TRIP13: variants seen among roughly 807,000 people sequenced by gnomAD.
TRIP13 encodes pachytene checkpoint protein 2 homolog.
In TRIP13, 25 loss-of-function variants were observed where a neutral mutation model predicts 54.4. The observed-to-expected ratio is 0.46, with a 90% CI of 0.33 to 0.64. The LOEUF (loss-of-function observed/expected upper bound fraction) is 0.64, where lower values mean the gene tolerates loss of function less well. TRIP13 is among the 30% of genes least tolerant of loss of function. TRIP13 has a pLI of 0.02. For missense variants in TRIP13, 373 were observed against 534.2 expected (o/e 0.70, Z 2.97); for synonymous variants, 207 against 207.8 (o/e 1.00, Z 0.03).
In TRIP13 at chr5:915,622, G is replaced by A. The variant is rs1754326539; in HGVS notation, c.1134-282G>A. Among the ~76,000 whole-genome samples, 1 of 152,228 alleles carries A rather than the reference G, an allele frequency of 6.6e-6. No homozygotes were observed. Among genetic ancestry groups the A allele is most frequent in the Admixed American group, 6.5e-5 (1 of 15,294 alleles). ...GCTGGCCCTGGGGCAGAGCACACAG[G>A]TGTGCCTTGGGTGTGCTTCAGAGCC... On this transcript the variant is annotated intron_variant, in intron 11 of 12. Transcript: ENST00000166345. The surrounding 1 kb of genome is among the most constrained non-coding windows in gnomAD (Gnocchi z 4.2).
At position 911,735 on chromosome 5, in the gene TRIP13, G is replaced by A. The variant is rs1462100365; in HGVS notation, c.867-108G>A. 7 of 1,408,598 alleles carry A rather than the reference G, an allele frequency of 5.0e-6. No homozygotes were observed. In the Admixed American group the frequency reaches 1.8e-4, roughly 37 times the overall value. The allele number at this position is 1,408,598 out of a possible 1,614,324, so 87.3% of individuals were successfully genotyped here. ...CACAAGGCCACTTTCCTTCCTGTTG[G>A]CAGCCTGCTGGCCATCGTCCTGCCA... On this transcript the variant is annotated intron_variant, in intron 9 of 12. Transcript: ENST00000166345. The surrounding 1 kb of genome is among the most constrained non-coding windows in gnomAD (Gnocchi z 4.7).
chr5:902,401 C>G (rs1754012103), intron 5 of TRIP13, among the ~76,000 whole-genome samples: 1 of 152,230 alleles, frequency 6.6e-6, no homozygotes, highest in African/African-American at 2.4e-5. Flanking sequence ...CCTCATAGCA[C>G]AGTCAGAGTA....
chr5:902,968 C>G lies in TRIP13; in HGVS notation c.536-1180C>G, dbSNP rs139756536. Among the ~76,000 whole-genome samples the G allele has an allele frequency of 7.1e-3, 1,081 of 152,274 alleles. 5 individuals carry two copies. The highest frequency in any genetic ancestry group is 0.013 in the Admixed American group (201 of 15,300). On this transcript the variant is annotated intron_variant, in intron 5 of 12. Transcript: ENST00000166345. ...ACTTTCACTAATTTGCTACTGCTAG[C>G]TAAAAGGCAGAGCCAGGTGTACAGG...
At chr5:893,287 G>T (rs1753739270) in intron 1 of TRIP13, among the ~76,000 whole-genome samples, 197 bp downstream of exon 1, 1 of 152,000 alleles carries the variant, frequency 6.6e-6, no homozygotes, top group African/African-American at 2.4e-5. Flanking sequence ...CCACCGCAGG[G>T]CACTGACCCG....
chr5:911,550 G>A lies in TRIP13; in HGVS notation c.867-293G>A, dbSNP rs1440985631. 2.0e-5 allele frequency among the ~76,000 whole-genome samples: 3 copies of A among 150,526 alleles called. No individual in the cohort carries two copies. Among genetic ancestry groups the A allele is most frequent in the East Asian group, 1.9e-4 (1 of 5,142 alleles). On this transcript the variant is annotated intron_variant, in intron 9 of 12. Transcript: ENST00000166345. The surrounding 1 kb of genome is among the most constrained non-coding windows in gnomAD (Gnocchi z 4.7). ...AGCACCACTGCACTCCAGCCTGGGC[G>A]AAAGAGCGAGACTCTGTCTCAAAAA...
rs745438961 is a variant in TRIP13 at position 914,474 on chromosome 5, A to G, written c.1030A>G (p.Ile344Val). The change falls in exon 11 of 13, where the codon ATA becomes GTA. Residue 344 changes from isoleucine to valine, a missense_variant. This residue lies in a region of TRIP13 where 101 missense variants were observed against 138.5 expected (regional missense o/e 0.73). Transcript: ENST00000166345. ...CLEELMKCQI[I>V]YPRQQLLTLR... The stretch of plus-strand genomic sequence containing the variant: ...ACTTCTGTCTCCCCAGTGTCAGATC[A>G]TATACCCTCGCCAGCAGCTGCTGAC... 10 of 1,613,016 alleles carry G rather than the reference A, an allele frequency of 6.2e-6. No individual in the cohort carries two copies. Among genetic ancestry groups the G allele is most frequent in the East Asian group, 2.2e-5 (1 of 44,856 alleles).
chr5:914,706 C>A, intron 11 of TRIP13, 129 bp downstream of exon 11: 1 of 703,590 alleles, frequency 1.4e-6, no homozygotes, highest in Non-Finnish European at 2.5e-6. Context: ...TAGGTATGAA[C>A]ATGCATGTAC....
chr5:905,281 C>T (rs1754090239), intron 6 of TRIP13, among the ~76,000 whole-genome samples: 1 of 152,168 alleles, frequency 6.6e-6, no homozygotes, highest in African/African-American at 2.4e-5. Flanking sequence ...TCCTCTCAGC[C>T]TGTGTGAGGT....
At chr5:895,231 T>G (rs985582853) in intron 2 of TRIP13, among the ~76,000 whole-genome samples, 3 of 152,204 alleles carry the variant, frequency 2.0e-5, no homozygotes, top group Non-Finnish European at 4.4e-5. Context: ...GTAAGGCCTG[T>G]GTGCCATGTC....
chr5:908,556 C>T lies in TRIP13; in HGVS notation c.866+95C>T. The T allele has an allele frequency of 5.8e-6, 9 of 1,555,054 alleles. No individual in the cohort carries two copies. Among genetic ancestry groups the T allele is most frequent in the Non-Finnish European group, 7.8e-6 (9 of 1,148,812 alleles). ...TTGTGCAACCCTAGATCTTAGTGCC[C>T]AGCTCTTTCACCGGAAAGTGCATTT... On this transcript the variant is annotated intron_variant, in intron 9 of 12. Transcript: ENST00000166345. This position sits in a 1 kb window ranked among gnomAD's most constrained non-coding sequence, Gnocchi z 5.2.
At chr5:914,660 CAGGG>C in intron 11 of TRIP13, 83 bp downstream of exon 11, 1 of 1,122,292 alleles carries the variant, frequency 8.9e-7, no homozygotes, top group Non-Finnish European at 1.3e-6. Context: ...TTGAGGAGAC[CAGGG>C]AGGGCCCTGG....
rs766179713 is a variant in TRIP13 at position 917,293 on chromosome 5, T to A, written c.*190T>A. The A allele has an allele frequency of 1.9e-6, 1 of 523,300 alleles. No individual in the cohort carries two copies. Among genetic ancestry groups the A allele is most frequent in the Non-Finnish European group, 3.4e-6 (1 of 296,760 alleles). The allele number at this position is 523,300 out of a possible 1,614,324, so 32.4% of individuals were successfully genotyped here. On this transcript the variant is annotated 3_prime_UTR_variant, in exon 13 of 13. Transcript: ENST00000166345. ...TCTATTTATGTTGTTTTAAAATGCA[T>A]ACTGAGAGACAAACATCTTGTCATT...
chr5:914,717 A>G (rs1184479093), intron 11 of TRIP13, 140 bp downstream of exon 11: 2 of 666,694 alleles, frequency 3.0e-6, no homozygotes, highest in Non-Finnish European at 5.3e-6. Flanking sequence ...ATGCATGTAC[A>G]CACGTGTGTG....
intron 2 of TRIP13, among the ~76,000 whole-genome samples, chr5:896,230 C>T (rs1411576135): frequency 2.6e-5 from 4 of 152,196 alleles, no homozygotes; most frequent in African/African-American, 4.8e-5. Flanking sequence ...GGGAGGATCA[C>T]TTGAGTCCAG....
At chr5:906,781 C>T (rs1754124224) in intron 6 of TRIP13, among the ~76,000 whole-genome samples, 1 of 152,196 alleles carries the variant, frequency 6.6e-6, no homozygotes, top group African/African-American at 2.4e-5. Flanking sequence ...GGGGAAAATG[C>T]TCAGCTCCTG....
rs189497819 is a variant in TRIP13, at chr5:909,818, A to T, written c.866+1357A>T. Among the ~76,000 whole-genome samples the T allele has an allele frequency of 1.8e-3, 281 of 152,406 alleles. 2 individuals carry two copies. Among genetic ancestry groups the T allele is most frequent in the Admixed American group, 0.015 (224 of 15,310 alleles). The stretch of plus-strand genomic sequence containing the variant: ...GGGGCTAGTTAACTGCAGCAGGAGC[A>T]TGTCCTTAAGGCACAGATCGCTCAT... On this transcript the variant is annotated intron_variant, in intron 9 of 12. Coordinates refer to ENST00000166345, the MANE Select transcript of TRIP13 (RefSeq NM_004237.4).
Position 892,894 on chromosome 5 carries a change from C to T in TRIP13, c.-105C>T, listed in dbSNP as rs1041535849. 30 of 1,206,696 alleles carry T rather than the reference C, an allele frequency of 2.5e-5. No individual in the cohort carries two copies. Among genetic ancestry groups the T allele is most frequent in the East Asian group, 6.2e-5 (2 of 32,056 alleles). 74.7% of individuals were successfully genotyped at this position (1,206,696 alleles called of 1,614,324 possible). On this transcript the variant is annotated 5_prime_UTR_variant, in exon 1 of 13. Coordinates refer to ENST00000166345, the MANE Select transcript of TRIP13 (RefSeq NM_004237.4). ...TGCGCCTCGCGCGGCAGATTCGAAG[C>T]TAGGGCGGGGCCCGCGGGCTGAGGC...
chr5:917,212 A>G lies in TRIP13; in HGVS notation c.*109A>G. ...GAATCCCTTCTGCAAACCAAACGTT[A>G]CTTAGACTGCAAGCTAGAAAGCCAC... On this transcript the variant is annotated 3_prime_UTR_variant, in exon 13 of 13. Coordinates refer to ENST00000166345, the MANE Select transcript of TRIP13 (RefSeq NM_004237.4). 1.0e-6 allele frequency: 1 copy of G among 989,120 alleles called. No individual in the cohort carries two copies. The highest frequency in any genetic ancestry group is 1.5e-6 in the Non-Finnish European group (1 of 671,848). 61.3% of individuals were successfully genotyped at this position (989,120 alleles called of 1,614,324 possible).
chr5:914,510 C>A lies in TRIP13; in HGVS notation c.1066C>A (p.Leu356Ile), dbSNP rs771114299. ...CCAGCAGCTGCTGACCCTCCGAGAG[C>A]TAGAGATGATTGGCTTCATTGAAAA... ...PRQQLLTLRE[L>I]EMIGFIENNV... The change falls in exon 11 of 13, where the codon CTA (leucine) becomes ATA (isoleucine). Residue 356 changes from leucine (L) to isoleucine (I), a missense_variant. Around this residue, in one of 4 missense-constraint regions of TRIP13, gnomAD observed 101 missense variants for 138.5 expected, o/e 0.73. Coordinates refer to ENST00000166345, the MANE Select transcript of TRIP13 (RefSeq NM_004237.4). 1 of 1,613,696 alleles carries A rather than the reference C, an allele frequency of 6.2e-7. No homozygotes were observed. The highest frequency in any genetic ancestry group is 1.1e-5 in the South Asian group (1 of 91,062).
Sources: allele counts gnomAD v4.1 joint callset (sites outside exome capture counted in the v4.1 genomes callset), GRCh38; gene constraint gnomAD v4.1.1; regional missense constraint gnomAD v4.1.1; non-coding constraint Gnocchi (gnomAD v3.1); transcripts MANE v1.5; gene names NCBI Gene and HGNC (gene_info 2026-07-23, HGNC 2026-07-21).